The following KIAA1217 variants were observed in gnomAD, a reference collection of about 807,000 sequenced individuals.
KIAA1217 encodes sickle tail protein homolog.
In KIAA1217, 88 loss-of-function variants were observed where a neutral mutation model predicts 163.9. The ratio of observed to expected loss-of-function variants is 0.54; its 90% CI spans 0.45 to 0.64. The LOEUF is 0.64. KIAA1217 is among the 30% of genes least tolerant of loss of function. The pLI, the probability that KIAA1217 is intolerant of heterozygous loss-of-function variation, is 0.00. For synonymous variants in KIAA1217, 903 were observed against 923.1 expected, an observed-to-expected ratio of 0.98 and a Z score of 0.39; for missense variants, 2,372 against 2,475.0, an observed-to-expected ratio of 0.96 and a Z score of 0.88.
chr10:24,478,444 T>G (rs2064278491), intron 6 of KIAA1217, among the ~76,000 whole-genome samples: 1 of 152,222 alleles, frequency 6.6e-6, no homozygotes, highest in Non-Finnish European at 1.5e-5. Context: ...AAGAACACAG[T>G]GTCTATGGTA....
intron 1 of KIAA1217, among the ~76,000 whole-genome samples, chr10:23,938,100 G>A (rs1012353952): frequency 2.6e-5 from 4 of 152,174 alleles, no homozygotes; most frequent in African/African-American, 9.7e-5. Context: ...AGTATAACCA[G>A]CATCTATATG....
intron 2 of KIAA1217, among the ~76,000 whole-genome samples, chr10:24,232,935 C>CAAAAAAAAAAAAA (rs908492411): frequency 6.2e-4 from 35 of 56,292 alleles, no homozygotes; most frequent in East Asian, 1.9e-3. Flanking sequence ...CTTATCTCTA[C>CAAAAAAAAAAAAA]AAAAAAAAAA....
In KIAA1217 at chr10:24,219,855, G is replaced by T; in HGVS notation, c.300G>T (p.Lys100Asn). 1 of 1,613,526 alleles carries T rather than the reference G, an allele frequency of 6.2e-7. No individual in the cohort carries two copies. Among genetic ancestry groups the T allele is most frequent in the South Asian group, 1.1e-5 (1 of 91,012 alleles). The change falls in exon 2 of 21, where the codon AAG (lysine) becomes AAT (asparagine). Residue 100 changes from lysine to asparagine, a missense_variant. Transcript: ENST00000376454. ...CGTTCCTAGAACATCTGAAGCAGAA[G>T]TACCCCCACCACGCCTCTGCAATCA... ...REAFLEHLKQ[K>N]YPHHASAIMG...
At chr10:24,360,136 T>G (rs1166267508) in intron 2 of KIAA1217, among the ~76,000 whole-genome samples, 1 of 136,594 alleles carries the variant, frequency 7.3e-6, no homozygotes, top group Non-Finnish European at 1.5e-5. Context: ...AACCTCTACC[T>G]CCCGGGTTCA....
chr10:23,954,241 G>A (rs986224814), intron 1 of KIAA1217, among the ~76,000 whole-genome samples: 5 of 152,038 alleles, frequency 3.3e-5, no homozygotes, highest in Non-Finnish European at 5.9e-5. Context: ...AAAATTATGA[G>A]TCCTGGCCAT....
At chr10:24,328,205 A>T (rs1482601637) in intron 2 of KIAA1217, among the ~76,000 whole-genome samples, 1 of 152,156 alleles carries the variant, frequency 6.6e-6, no homozygotes, top group Non-Finnish European at 1.5e-5. Context: ...TCTCAAATTC[A>T]TCTCCCTGTC....
chr10:24,245,652 G>A (rs969498393), intron 2 of KIAA1217, among the ~76,000 whole-genome samples: 2 of 151,918 alleles, frequency 1.3e-5, no homozygotes, highest in African/African-American at 4.8e-5. Context: ...TCCTTTCCGA[G>A]ACAAGGTCTC....
chr10:23,817,756 G>C (rs928570170), intron 1 of KIAA1217, among the ~76,000 whole-genome samples: 1 of 151,512 alleles, frequency 6.6e-6, no homozygotes, highest in Admixed American at 6.6e-5. Flanking sequence ...TGAGGTGTTT[G>C]ACAGAAGAGT....
chr10:23,992,395 G>T (rs553655832), intron 1 of KIAA1217, among the ~76,000 whole-genome samples: 2 of 151,438 alleles, frequency 1.3e-5, no homozygotes, highest in African/African-American at 4.9e-5. Context: ...TGCAATCCTT[G>T]CCTACCCCAT....
At chr10:24,515,370 T>G (rs987786136) in intron 10 of KIAA1217, among the ~76,000 whole-genome samples, 7 of 152,170 alleles carry the variant, frequency 4.6e-5, no homozygotes, top group African/African-American at 2.4e-5. Context: ...GCCCGGCCAG[T>G]AAATTTCTTC....
At chr10:24,174,845 T>C (rs2131926343) in intron 2 of KIAA1217, among the ~76,000 whole-genome samples, 1 of 152,140 alleles carries the variant, frequency 6.6e-6, no homozygotes, top group South Asian at 2.1e-4. Flanking sequence ...ATACCCAACA[T>C]GTAGTGTTGT....
At chr10:23,909,419 C>A (rs1282379776) in intron 1 of KIAA1217, among the ~76,000 whole-genome samples, 5 of 151,962 alleles carry the variant, frequency 3.3e-5, no homozygotes, top group Non-Finnish European at 1.5e-5. Flanking sequence ...GGGTGCTATG[C>A]TGACTATCTT....
intron 4 of KIAA1217, among the ~76,000 whole-genome samples, chr10:24,433,691 A>T (rs1386450281): frequency 6.6e-6 from 1 of 152,150 alleles, no homozygotes; most frequent in Non-Finnish European, 1.5e-5. Context: ...AACTTTCCCA[A>T]TTCCCCCTCA....
intron 1 of KIAA1217, among the ~76,000 whole-genome samples, chr10:23,791,355 A>G (rs1440359903): frequency 1.3e-5 from 2 of 152,214 alleles, no homozygotes; most frequent in Non-Finnish European, 2.9e-5. Flanking sequence ...TATTTCATCT[A>G]ACTTCCCACT....
At chr10:23,834,356 A>G (rs937619971) in intron 1 of KIAA1217, among the ~76,000 whole-genome samples, 1 of 152,158 alleles carries the variant, frequency 6.6e-6, no homozygotes, top group African/African-American at 2.4e-5. Context: ...ACTATTTCAA[A>G]TAAAGGTGCA....
At chr10:23,929,188 T>A (rs982698973) in intron 1 of KIAA1217, among the ~76,000 whole-genome samples, 2 of 152,208 alleles carry the variant, frequency 1.3e-5, no homozygotes, top group African/African-American at 4.8e-5. Flanking sequence ...TGAAGTAAAT[T>A]GTAAAACACA....
intron 3 of KIAA1217, among the ~76,000 whole-genome samples, chr10:24,388,360 G>A (rs7096804): frequency 0.52 from 78,499 of 151,992 alleles, 22,829 homozygotes; most frequent in African/African-American, 0.8. Flanking sequence ...AGCCATATGT[G>A]GAAAGCTGAA....
chr10:23,752,296 G>A (rs1473864842), intron 1 of KIAA1217, among the ~76,000 whole-genome samples: 1 of 152,096 alleles, frequency 6.6e-6, no homozygotes, highest in Non-Finnish European at 1.5e-5. Context: ...GTCTCTTTTT[G>A]TTTTGGTTCC....
At chr10:23,961,852 G>T (rs895410009) in intron 1 of KIAA1217, among the ~76,000 whole-genome samples, 1 of 152,066 alleles carries the variant, frequency 6.6e-6, no homozygotes, top group African/African-American at 2.4e-5. Context: ...TCTCTCCTTG[G>T]TTTGCAGGTG....
Sources: allele counts gnomAD v4.1 joint callset (sites outside exome capture counted in the v4.1 genomes callset), GRCh38; gene constraint gnomAD v4.1.1; transcripts MANE v1.5; gene names NCBI Gene and HGNC (gene_info 2026-07-23, HGNC 2026-07-21).